CDC27: variants seen among roughly 807,000 people sequenced by gnomAD.
CDC27 encodes cell division cycle 27.
CDC27 carries 27 observed loss-of-function variants against 109.7 expected under a neutral mutation model. The ratio of observed to expected loss-of-function variants is 0.25; its 90% confidence interval spans 0.18 to 0.34. CDC27 has a LOEUF of 0.34. CDC27 is among the 10% of genes least tolerant of loss of function. CDC27 has a pLI of 1.00. For missense variants in CDC27, 579 were observed against 960.2 expected (o/e 0.60, Z 5.25); for synonymous variants, 266 against 333.9 (o/e 0.80, Z 2.22).
At chr17:47,130,357 C>T (rs1476215712) in intron 15 of CDC27, among the ~76,000 whole-genome samples, 1 of 150,064 alleles carries the variant, frequency 6.7e-6, no homozygotes, top group African/African-American at 2.5e-5. Flanking sequence ...GAGACTCCGT[C>T]TCAAAAAATA....
intron 9 of CDC27, among the ~76,000 whole-genome samples, chr17:47,148,931 T>C (rs1178037444): frequency 6.6e-6 from 1 of 151,744 alleles, no homozygotes; most frequent in East Asian, 1.9e-4. Flanking sequence ...ATGCAAAAAT[T>C]AGCTGAGCAT....
At chr17:47,157,478 C>G in intron 5 of CDC27, 94 bp from the exon 6 acceptor site, 1 of 903,954 alleles carries the variant, frequency 1.1e-6, no homozygotes, top group South Asian at 2.0e-5. Context: ...AGGAAATAGG[C>G]CTTATCCAAA....
At chr17:47,170,909 TG>T (rs1379115991) in intron 3 of CDC27, 1 of 152,178 alleles carries the variant, frequency 6.6e-6, no homozygotes, top group Non-Finnish European at 1.5e-5. Context: ...AAAACCAGCC[TG>T]GGCAACATAG....
intron 4 of CDC27, among the ~76,000 whole-genome samples, chr17:47,158,936 G>C (rs562844505): frequency 6.6e-6 from 1 of 151,800 alleles, no homozygotes; most frequent in South Asian, 2.1e-4. Context: ...TATTTTCGTC[G>C]AGATGGGGTT....
chr17:47,173,370 C>T (rs1483181364), intron 2 of CDC27, among the ~76,000 whole-genome samples: 2 of 144,810 alleles, frequency 1.4e-5, no homozygotes, highest in East Asian at 3.9e-4. Context: ...AGTGCTGCAG[C>T]TACAAAAAAA....
intron 4 of CDC27, chr17:47,160,137 G>A (rs1382153471): frequency 1.7e-5 from 3 of 171,864 alleles, no homozygotes; most frequent in South Asian, 1.3e-4. Flanking sequence ...GTGTATAAAC[G>A]CTTACATATG....
At chr17:47,139,185 G>A (rs2062717980) in intron 12 of CDC27, among the ~76,000 whole-genome samples, 1 of 151,578 alleles carries the variant, frequency 6.6e-6, no homozygotes, top group South Asian at 2.1e-4. Context: ...TCTATACAAA[G>A]CTACAATTCA....
intron 1 of CDC27, 193 bp downstream of exon 1, chr17:47,188,953 T>C (rs1024708789): frequency 9.6e-5 from 138 of 1,441,362 alleles, no homozygotes; most frequent in Non-Finnish European, 1.1e-4. Context: ...GGTGAAGTAA[T>C]GTAGGGCCAG....
chr17:47,147,428 C>CAAAAA (rs112729209), intron 9 of CDC27, among the ~76,000 whole-genome samples: 4 of 134,712 alleles, frequency 3.0e-5, no homozygotes, highest in South Asian at 2.4e-4. Flanking sequence ...AACAAACAAA[C>CAAAAA]AAAAAAAAAA....
intron 14 of CDC27, among the ~76,000 whole-genome samples, chr17:47,136,754 A>AT (rs1002169872): frequency 1.3e-5 from 2 of 152,080 alleles, no homozygotes; most frequent in African/African-American, 2.4e-5. Flanking sequence ...AATTTTTTCA[A>AT]TTTTTTTTCC....
chr17:47,135,936 T>C (rs2062571410), intron 14 of CDC27, among the ~76,000 whole-genome samples: 1 of 151,994 alleles, frequency 6.6e-6, no homozygotes, highest in African/African-American at 2.4e-5. Context: ...GTCAGGAGAT[T>C]GAGACCATCC....
At chr17:47,176,832 G>C (rs1429414587) in intron 2 of CDC27, among the ~76,000 whole-genome samples, 2 of 152,100 alleles carry the variant, frequency 1.3e-5, no homozygotes, top group Non-Finnish European at 2.9e-5. Flanking sequence ...ATCAATAAAG[G>C]CCTCAAAATG....
chr17:47,121,791 G>A (rs977019561), intron 18 of CDC27, among the ~76,000 whole-genome samples: 3 of 151,058 alleles, frequency 2.0e-5, no homozygotes, highest in Admixed American at 2.0e-4. Flanking sequence ...CCAGGTTGGA[G>A]TGCAATGGCG....
chr17:47,155,966 TA>T (rs1408855123), intron 7 of CDC27, among the ~76,000 whole-genome samples: 1 of 152,002 alleles, frequency 6.6e-6, no homozygotes, highest in Non-Finnish European at 1.5e-5. Context: ...CAAAAAAAGG[TA>T]GGTGTCAAAT....
intron 14 of CDC27, among the ~76,000 whole-genome samples, chr17:47,133,028 T>TACATACACAC (rs1819652726): frequency 3.4e-5 from 1 of 29,824 alleles, no homozygotes; most frequent in Non-Finnish European, 5.8e-5. Context: ...TATATATATA[T>TACATACACAC]ACACACACAC....
Position 47,141,788 on chromosome 17 carries a change from G to A in CDC27, c.1551+65C>T, listed in dbSNP as rs564007493. On this transcript the variant is annotated intron_variant, in intron 12 of 18. Transcript: ENST00000066544. ...TTAGATCTAGCCTTCTTAAGCATGGGCATTTATTTTAATGAAATTGAAATT... is the reference window on the plus strand; with the variant it reads ...TTAGATCTAGCCTTCTTAAGCATGGACATTTATTTTAATGAAATTGAAATT... 3.3e-6 allele frequency: 3 copies of A among 906,518 alleles called. No individual in the cohort carries two copies. In the East Asian group the frequency reaches 8.2e-5, roughly 25 times the overall value. The allele number at this position is 906,518 out of a possible 1,614,324, so 56.2% of individuals were successfully genotyped here.
intron 16 of CDC27, among the ~76,000 whole-genome samples, chr17:47,124,603 G>A (rs182333352): frequency 3.3e-5 from 5 of 152,132 alleles, no homozygotes; most frequent in African/African-American, 4.8e-5. Context: ...ATTTTTTAAC[G>A]AAAAATAACT....
At chr17:47,180,922 C>A (rs2064194923) in intron 2 of CDC27, among the ~76,000 whole-genome samples, 2 of 138,358 alleles carry the variant, frequency 1.4e-5, no homozygotes, top group African/African-American at 5.5e-5. Flanking sequence ...ATGTTCTTCA[C>A]CATAGAATAC....
chr17:47,169,438 G>A (rs1260858483), intron 4 of CDC27, among the ~76,000 whole-genome samples: 1 of 152,078 alleles, frequency 6.6e-6, no homozygotes, highest in Admixed American at 6.6e-5. Context: ...CTTGAGGTCA[G>A]GAGTTTGAGA....
Sources: allele counts gnomAD v4.1 joint callset (sites outside exome capture counted in the v4.1 genomes callset), GRCh38; gene constraint gnomAD v4.1.1; transcripts MANE v1.5; gene names NCBI Gene and HGNC (gene_info 2026-07-23, HGNC 2026-07-21).